Variants in DISC1 observed in about 807,000 individuals in gnomAD.
DISC1 encodes DISC1 scaffold protein, also known as disrupted in schizophrenia 1 protein.
DISC1 carries 57 observed loss-of-function variants against 84.5 expected under a neutral mutation model. The ratio of observed to expected loss-of-function variants is 0.67; its 90% CI spans 0.55 to 0.84. The LOEUF is 0.84. Among genes scored for constraint, DISC1 ranks in the 40% least tolerant of loss-of-function variants. The pLI, the probability that DISC1 is intolerant of heterozygous loss-of-function variation, is 0.00. For synonymous variants in DISC1, 411 were observed against 415.2 expected (o/e 0.99, Z 0.12); for missense variants, 1,000 against 1,057.8 (o/e 0.95, Z 0.76).
At chr1:231,727,088 C>G (rs1040234730) in intron 3 of DISC1, among the ~76,000 whole-genome samples, 3 of 152,074 alleles carry the variant, frequency 2.0e-5, no homozygotes, top group Admixed American at 6.6e-5. Context: ...CTGCCTGCTC[C>G]TGCTTGTCTT....
chr1:232,009,350 T>A lies in DISC1; in HGVS notation c.2307+301T>A. 1 of 994,866 alleles carries A rather than the reference T, an allele frequency of 1.0e-6. No homozygotes were observed. Among genetic ancestry groups the A allele is most frequent in the Non-Finnish European group, 1.2e-6 (1 of 803,806 alleles). 61.6% of individuals were successfully genotyped at this position (994,866 alleles called of 1,614,324 possible). The stretch of plus-strand genomic sequence containing the variant: ...GAATTACCATATATAGCATACATTA[T>A]ATATGTCATATATAATATAGTTATT... On this transcript the variant is annotated intron_variant, in intron 11 of 12. Transcript: ENST00000439617. The surrounding 1 kb of genome is among the most constrained non-coding windows in gnomAD (Gnocchi z 4.6).
intron 9 of DISC1, among the ~76,000 whole-genome samples, chr1:231,936,751 TAAG>T (rs1481324303): frequency 6.6e-6 from 1 of 152,212 alleles, no homozygotes; most frequent in Non-Finnish European, 1.5e-5. Flanking sequence ...TACCTGTAAT[TAAG>T]AAGGAGCCCA....
intron 3 of DISC1, among the ~76,000 whole-genome samples, chr1:231,716,391 G>A (rs1466233887): frequency 6.7e-6 from 1 of 148,924 alleles, no homozygotes; most frequent in Non-Finnish European, 1.5e-5. Flanking sequence ...TTATAAAGAA[G>A]CATTTAAAGC....
chr1:231,939,765 T>C (rs2091198953), intron 9 of DISC1, among the ~76,000 whole-genome samples: 1 of 151,716 alleles, frequency 6.6e-6, no homozygotes, highest in Non-Finnish European at 1.5e-5. Flanking sequence ...TTTTTTGAGA[T>C]GGAGTCTTGC....
intron 9 of DISC1, among the ~76,000 whole-genome samples, chr1:231,908,399 G>A (rs371987763): frequency 7.9e-5 from 12 of 152,156 alleles, no homozygotes; most frequent in African/African-American, 2.9e-4. Flanking sequence ...CATATGGCTA[G>A]CCAGTTTTTC....
Position 232,009,439 on chromosome 1 carries a change from T to C in DISC1, c.2307+390T>C. The C allele has an allele frequency of 1.8e-6, 1 of 540,720 alleles. No homozygotes were observed. The highest frequency in any genetic ancestry group is 2.3e-6 in the Non-Finnish European group (1 of 437,812). 33.5% of individuals were successfully genotyped at this position (540,720 alleles called of 1,614,324 possible). A position where few individuals can be genotyped will look rare whatever the true frequency, so the allele number is the denominator to read the frequency against. On this transcript the variant is annotated intron_variant, in intron 11 of 12. Transcript: ENST00000439617. This position sits in a 1 kb window ranked among gnomAD's most constrained non-coding sequence, Gnocchi z 4.6. ...AACATATATACTATACATTATGTAT[T>C]GTATGTCATATATGATGTTTATATA...
chr1:231,893,552 ACTTGTGCGTCAT>A (rs2087426183), intron 9 of DISC1, among the ~76,000 whole-genome samples: 1 of 152,206 alleles, frequency 6.6e-6, no homozygotes, highest in African/African-American at 2.4e-5. Flanking sequence ...TTGCTCATGG[ACTTGTGCGTCAT>A]CTTGTGGCTT....
intron 9 of DISC1, among the ~76,000 whole-genome samples, chr1:231,845,724 G>C (rs1326103183): frequency 6.6e-6 from 1 of 152,158 alleles, no homozygotes; most frequent in Non-Finnish European, 1.5e-5. Context: ...CTACACTGGA[G>C]GCTGGTAAAG....
chr1:231,886,766 CCTTT>C (rs3084378), intron 9 of DISC1, among the ~76,000 whole-genome samples: 11,819 of 82,630 alleles, frequency 0.14, 701 homozygotes, highest in Non-Finnish European at 0.16. Context: ...TTCCTTCCTT[CCTTT>C]CTTTCTTTCT....
chr1:231,848,139 A>G (rs1173075215), intron 9 of DISC1, among the ~76,000 whole-genome samples: 1 of 152,100 alleles, frequency 6.6e-6, no homozygotes, highest in Non-Finnish European at 1.5e-5. Flanking sequence ...AGCAGATGGT[A>G]TTTTTGTACA....
chr1:231,756,474 A>G (rs563672406), intron 4 of DISC1, among the ~76,000 whole-genome samples: 2 of 152,030 alleles, frequency 1.3e-5, no homozygotes, highest in Admixed American at 6.5e-5. Context: ...ACACATATGC[A>G]TATGTAGCTA....
intron 9 of DISC1, among the ~76,000 whole-genome samples, chr1:231,921,167 G>T (rs2089983122): frequency 6.6e-6 from 1 of 152,042 alleles, no homozygotes; most frequent in African/African-American, 2.4e-5. Context: ...GCCCGCCTCG[G>T]CCTCCCAAAG....
chr1:231,750,192 G>A (rs2074461212), intron 4 of DISC1, 116 bp downstream of exon 4: 2 of 1,472,552 alleles, frequency 1.4e-6, no homozygotes, highest in Admixed American at 2.7e-5. Flanking sequence ...GCCTTTCCTG[G>A]GAAGGGCCCT....
At chr1:231,677,150 G>T (rs2063233863) in intron 1 of DISC1, among the ~76,000 whole-genome samples, 1 of 152,178 alleles carries the variant, frequency 6.6e-6, no homozygotes, top group Admixed American at 6.5e-5. Context: ...CAGCTTAGAT[G>T]ATATTTTCCT....
chr1:231,645,336 C>T (rs1345794997), intron 1 of DISC1, among the ~76,000 whole-genome samples: 1 of 152,124 alleles, frequency 6.6e-6, no homozygotes, highest in African/African-American at 2.4e-5. Context: ...AAGCTCCTTT[C>T]TGCACCTTAC....
chr1:231,666,695 C>T (rs968016916), intron 1 of DISC1, among the ~76,000 whole-genome samples: 25 of 152,134 alleles, frequency 1.6e-4, no homozygotes, highest in African/African-American at 5.6e-4. Flanking sequence ...CATTTCGATA[C>T]ATGACACCTC....
At chr1:231,958,802 C>A (rs1304849453) in intron 9 of DISC1, 26 bp from the exon 10 acceptor site, 1 of 1,609,536 alleles carries the variant, frequency 6.2e-7, no homozygotes, top group Non-Finnish European at 8.5e-7. Flanking sequence ...GTTGCATTAA[C>A]TTTGGATTTC....
At chr1:231,734,771 G>C (rs565383976) in intron 3 of DISC1, among the ~76,000 whole-genome samples, 2 of 152,262 alleles carry the variant, frequency 1.3e-5, no homozygotes, top group African/African-American at 4.8e-5. Flanking sequence ...ATTATTGCTT[G>C]TCTTCCAAAA....
chr1:231,913,278 G>A (rs2089390780), intron 9 of DISC1, among the ~76,000 whole-genome samples: 1 of 152,122 alleles, frequency 6.6e-6, no homozygotes. Context: ...TGGGGCACAA[G>A]TTTTATTTCT....
Sources: gnomAD v4.1 joint callset for allele counts (sites outside exome capture counted in the v4.1 genomes callset) on GRCh38, gnomAD v4.1.1 for gene constraint, Gnocchi (gnomAD v3.1) non-coding constraint, MANE v1.5 for transcripts, NCBI Gene and HGNC (gene_info 2026-07-23, HGNC 2026-07-21) for gene names.